USP13: variants seen among roughly 807,000 people sequenced by gnomAD.
The protein encoded by USP13 is ubiquitin carboxyl-terminal hydrolase 13.
Under a neutral mutation model 107.8 loss-of-function variants are expected in USP13, and 68 were observed. That is an observed-to-expected ratio of 0.63 (90% CI 0.52 to 0.77). USP13 has a LOEUF of 0.77. USP13 is among the 30% of genes least tolerant of loss of function. The pLI is 0.00. For missense variants in USP13, 945 were observed against 1,093.3 expected, an observed-to-expected ratio of 0.86 and a Z score of 1.91; for synonymous variants, 377 against 389.5, an observed-to-expected ratio of 0.97 and a Z score of 0.38.
chr3:179,690,260 G>T lies in USP13; in HGVS notation c.314G>T (p.Gly105Val). 6.2e-7 allele frequency: 1 copy of T among 1,613,960 alleles called. No individual in the cohort carries two copies. The highest frequency in any genetic ancestry group is 1.1e-5 in the South Asian group (1 of 91,032). ...HVREKVRGAS[G>V]GALPKRRNSK... ...TTTCAGAAGGTAAGAGGGGCGTCTGGTGGAGCGTTACCAAAAAGGAGGAAT... is the reference window on the plus strand; with the variant it reads ...TTTCAGAAGGTAAGAGGGGCGTCTGTTGGAGCGTTACCAAAAAGGAGGAAT... Residue 105 changes from glycine to valine, a missense_variant, in exon 3 of 21, where the codon GGT (glycine) becomes GTT (valine). Gly to Val is a moderately radical substitution (Grantham distance 109). Transcript: ENST00000263966.
At chr3:179,677,143 C>T (rs1044983137) in intron 1 of USP13, among the ~76,000 whole-genome samples, 1 of 150,858 alleles carries the variant, frequency 6.6e-6, no homozygotes, top group Non-Finnish European at 1.5e-5. Flanking sequence ...CAGGCGTGAG[C>T]CACTGTGCCC....
chr3:179,669,696 A>G (rs1361417444), intron 1 of USP13, among the ~76,000 whole-genome samples: 2 of 152,172 alleles, frequency 1.3e-5, no homozygotes, highest in Non-Finnish European at 2.9e-5. Flanking sequence ...TGAGCACTTG[A>G]AATGTGGCCA....
At chr3:179,669,184 G>A (rs1720671317) in intron 1 of USP13, among the ~76,000 whole-genome samples, 1 of 152,186 alleles carries the variant, frequency 6.6e-6, no homozygotes, top group African/African-American at 2.4e-5. Flanking sequence ...ATCCTGGCTG[G>A]GCGCGGTGGC....
rs771900787 is a variant in USP13 at position 179,709,685 on chromosome 3, G to GAAACT, written c.805+728_805+729insAAACT. On this transcript the variant is annotated intron_variant, in intron 6 of 20. Coordinates refer to ENST00000263966, the MANE Select transcript of USP13 (RefSeq NM_003940.3). ...TAATGAGAAACTTAAATATTGAGCA[G>GAAACT]TGGCTATGAGAACCCATCATCTAAT... Among the ~76,000 whole-genome samples the GAAACT allele has an allele frequency of 3.6e-3, 546 of 152,312 alleles. 3 individuals carry two copies. Among genetic ancestry groups the GAAACT allele is most frequent in the Non-Finnish European group, 6.2e-3 (422 of 68,024 alleles).
rs1391756701 is a variant in USP13, at chr3:179,766,008, T to C, written c.2413+160T>C. ...TTTTTTTTTCTTTTTTGAGACAGAG[T>C]CTCACACTGTTGCCAGGCTGGTGTG... is the stretch of plus-strand genomic sequence containing the variant. On this transcript the variant is annotated intron_variant, in intron 19 of 20. Coordinates refer to ENST00000263966, the MANE Select transcript of USP13 (RefSeq NM_003940.3). 2.0e-5 allele frequency among the ~76,000 whole-genome samples: 3 copies of C among 148,374 alleles called. No individual in the cohort carries two copies. In the East Asian group the frequency reaches 6.0e-4, roughly 30 times the overall value.
chr3:179,745,356 C>A, intron 13 of USP13, 139 bp downstream of exon 13: 1 of 1,083,690 alleles, frequency 9.2e-7, no homozygotes, highest in Non-Finnish European at 1.3e-6. Flanking sequence ...ATGGTTCACA[C>A]ACCCTAACTG....
intron 8 of USP13, among the ~76,000 whole-genome samples, chr3:179,729,788 C>T (rs572919441): frequency 9.2e-5 from 14 of 152,246 alleles, no homozygotes; most frequent in African/African-American, 3.4e-4. Flanking sequence ...CCACTGTCAT[C>T]GAGGTGGTGA....
At chr3:179,761,464 C>T (rs555486849) in intron 17 of USP13, among the ~76,000 whole-genome samples, 36 of 152,172 alleles carry the variant, frequency 2.4e-4, no homozygotes, top group African/African-American at 8.4e-4. Context: ...GGGCTCATGC[C>T]TGTAATCCCA....
intron 1 of USP13, among the ~76,000 whole-genome samples, 170 bp from the exon 2 acceptor site, chr3:179,681,708 C>T (rs1022843016): frequency 6.6e-6 from 1 of 152,094 alleles, no homozygotes; most frequent in Non-Finnish European, 1.5e-5. Flanking sequence ...TCTCTGTCTG[C>T]TAGGACAGAG....
chr3:179,706,103 C>T (rs911329697), intron 4 of USP13, among the ~76,000 whole-genome samples: 3 of 146,100 alleles, frequency 2.1e-5, no homozygotes, highest in Non-Finnish European at 4.6e-5. Flanking sequence ...TTTCATTTCT[C>T]TTGGATATAT....
chr3:179,740,499 TG>T, intron 11 of USP13, 127 bp downstream of exon 11: 1 of 1,420,136 alleles, frequency 7.0e-7, no homozygotes, highest in Non-Finnish European at 9.6e-7. Context: ...CTGTTAAAGC[TG>T]GTTCAGAATC....
At chr3:179,767,000 A>T (rs1465695627) in intron 19 of USP13, among the ~76,000 whole-genome samples, 1 of 152,124 alleles carries the variant, frequency 6.6e-6, no homozygotes, top group Non-Finnish European at 1.5e-5. Flanking sequence ...CTCAGCTGTC[A>T]ACAACTCTCT....
chr3:179,684,696 T>G (rs1272248715), intron 2 of USP13, among the ~76,000 whole-genome samples: 2 of 152,188 alleles, frequency 1.3e-5, no homozygotes, highest in African/African-American at 4.8e-5. Context: ...CTGTTGATCT[T>G]ATTTGTCTGT....
At chr3:179,730,778 G>T in intron 10 of USP13, 69 bp downstream of exon 10, 1 of 1,447,812 alleles carries the variant, frequency 6.9e-7, no homozygotes, top group South Asian at 1.2e-5. Flanking sequence ...GGTTTCCTAT[G>T]ATTTGGCACA....
intron 1 of USP13, among the ~76,000 whole-genome samples, chr3:179,660,641 A>G (rs1720430269): frequency 1.3e-5 from 2 of 152,304 alleles, no homozygotes; most frequent in Middle Eastern, 3.4e-3. Context: ...GCATTTTACC[A>G]TTGTACTATG....
chr3:179,757,584 G>A (rs535209631), intron 16 of USP13, among the ~76,000 whole-genome samples: 2 of 152,214 alleles, frequency 1.3e-5, no homozygotes, highest in Admixed American at 1.3e-4. Context: ...AATCCTGTGG[G>A]AGTTGATACT....
intron 3 of USP13, among the ~76,000 whole-genome samples, chr3:179,698,922 T>G (rs1576933750): frequency 1.3e-5 from 2 of 150,864 alleles, no homozygotes; most frequent in South Asian, 4.2e-4. Flanking sequence ...CAGGCTAGAG[T>G]GCAGTGGTGC....
intron 2 of USP13, among the ~76,000 whole-genome samples, chr3:179,685,605 TATA>T (rs1328536875): frequency 6.9e-6 from 1 of 144,000 alleles, no homozygotes. Context: ...TGTGACTTAA[TATA>T]AAGTGATGAA....
intron 13 of USP13, among the ~76,000 whole-genome samples, chr3:179,749,212 G>A (rs965693812): frequency 6.6e-6 from 1 of 152,040 alleles, no homozygotes; most frequent in Non-Finnish European, 1.5e-5. Flanking sequence ...CCTTAATTGT[G>A]ATTTAGTGAA....
Sources: gnomAD v4.1 joint callset for allele counts (sites outside exome capture counted in the v4.1 genomes callset) on GRCh38, gnomAD v4.1.1 for gene constraint, MANE v1.5 for transcripts, NCBI Gene and HGNC (gene_info 2026-07-23, HGNC 2026-07-21) for gene names.